The following CADM2 variants were observed in gnomAD, a reference collection of about 807,000 sequenced individuals.
CADM2 encodes immunoglobulin superfamily member 4D.
In CADM2, 12 loss-of-function variants were observed where a neutral mutation model predicts 49.8. The ratio of observed to expected loss-of-function variants is 0.24; its 90% CI spans 0.15 to 0.39. The LOEUF (loss-of-function observed/expected upper bound fraction) is 0.39. CADM2 is among the 10% of genes least tolerant of loss of function. CADM2 has a pLI of 1.00. For synonymous variants in CADM2, 214 were observed against 175.4 expected (o/e 1.22, Z -1.74); for missense variants, 378 against 492.3 (o/e 0.77, Z 2.20).
intron 1 of CADM2, among the ~76,000 whole-genome samples, chr3:85,500,268 T>A (rs1205498786): frequency 6.6e-6 from 1 of 152,028 alleles, no homozygotes; most frequent in Non-Finnish European, 1.5e-5. Flanking sequence ...GAATATATAT[T>A]TTTTCAGGAA....
At chr3:85,020,503 CT>C (rs1338795980) in intron 1 of CADM2, among the ~76,000 whole-genome samples, 8 of 152,042 alleles carry the variant, frequency 5.3e-5, no homozygotes, top group African/African-American at 1.9e-4. Context: ...AAACAATCTA[CT>C]TTTATTCATA....
Position 84,959,682 on chromosome 3 carries a change from C to T in CADM2, c.61+14C>T. On this transcript the variant is annotated intron_variant, in intron 1 of 9. Transcript: ENST00000383699. ...TCCTGCTACAAGGTAATCCCCGCCC[C>T]GGCGCAGGGAACATCAACTTCTCGC... 1.3e-6 allele frequency: 2 copies of T among 1,536,474 alleles called. No individual in the cohort carries two copies. Among genetic ancestry groups the T allele is most frequent in the African/African-American group, 1.4e-5 (1 of 73,140 alleles).
At chr3:85,529,966 C>G (rs1459220229) in intron 1 of CADM2, among the ~76,000 whole-genome samples, 2 of 151,980 alleles carry the variant, frequency 1.3e-5, no homozygotes, top group African/African-American at 4.8e-5. Flanking sequence ...TTTATCCCAC[C>G]TGGTAAATGC....
intron 1 of CADM2, among the ~76,000 whole-genome samples, chr3:85,081,492 G>T (rs112591755): frequency 2.6e-5 from 4 of 152,014 alleles, no homozygotes; most frequent in African/African-American, 9.7e-5. Context: ...ACTTTGGCCT[G>T]GTTATTTCAA....
intron 1 of CADM2, among the ~76,000 whole-genome samples, chr3:85,053,675 G>A (rs2035969828): frequency 6.6e-6 from 1 of 151,918 alleles, no homozygotes; most frequent in South Asian, 2.1e-4. Flanking sequence ...GTTCTTGGAG[G>A]GGATTAAGTA....
At chr3:85,237,309 G>A (rs937351175) in intron 1 of CADM2, among the ~76,000 whole-genome samples, 2 of 151,696 alleles carry the variant, frequency 1.3e-5, no homozygotes, top group Admixed American at 1.3e-4. Context: ...TGTGTCAGAG[G>A]CATGTATTCA....
At position 85,511,800 on chromosome 3, in the gene CADM2, A is replaced by G. The variant is rs142961351; in HGVS notation, c.62-214722A>G. 6 of 823,380 alleles carry G rather than the reference A, an allele frequency of 7.3e-6. No homozygotes were observed. In the East Asian group the frequency reaches 7.5e-4, roughly 103 times the overall value. 51.0% of individuals were successfully genotyped at this position (823,380 alleles called of 1,614,324 possible). On this transcript the variant is annotated intron_variant, in intron 1 of 9. Coordinates refer to ENST00000383699, the MANE Select transcript of CADM2 (RefSeq NM_001167675.2). ...CCATCTCTCATTTTGTCCACTGCAAACTTCGAAATAATATCCCTTTGAAAC... is the reference window on the plus strand; with the variant it reads ...CCATCTCTCATTTTGTCCACTGCAAGCTTCGAAATAATATCCCTTTGAAAC...
chr3:85,575,246 A>G (rs1327575966), intron 1 of CADM2, among the ~76,000 whole-genome samples: 3 of 152,196 alleles, frequency 2.0e-5, no homozygotes, highest in African/African-American at 2.4e-5. Flanking sequence ...GAACTTACCA[A>G]AAATATACTC....
chr3:85,076,210 A>C (rs2036935466), intron 1 of CADM2, among the ~76,000 whole-genome samples: 1 of 152,136 alleles, frequency 6.6e-6, no homozygotes, highest in Admixed American at 6.6e-5. Context: ...CAAGTTAAAT[A>C]ACTTGTTCAC....
At chr3:85,273,212 G>C (rs960964294) in intron 1 of CADM2, among the ~76,000 whole-genome samples, 1 of 151,370 alleles carries the variant, frequency 6.6e-6, no homozygotes, top group African/African-American at 2.4e-5. Flanking sequence ...GTGAACAAGA[G>C]ATAGATCAGT....
chr3:85,137,000 AAAT>A (rs1268477468), intron 1 of CADM2, among the ~76,000 whole-genome samples: 1 of 151,956 alleles, frequency 6.6e-6, no homozygotes, highest in African/African-American at 2.4e-5. Flanking sequence ...AATTACGTAA[AAAT>A]ATAAAGATAT....
intron 2 of CADM2, among the ~76,000 whole-genome samples, chr3:85,740,565 C>CT (rs1043228195): frequency 2.0e-5 from 3 of 151,828 alleles, no homozygotes; most frequent in Non-Finnish European, 2.9e-5. Flanking sequence ...TTTTTTGCTT[C>CT]TTTTTTTCTT....
At position 85,262,008 on chromosome 3, in the gene CADM2, T is replaced by G. The variant is rs182765853; in HGVS notation, c.61+302340T>G. Among the ~76,000 whole-genome samples, 5 of 152,218 alleles carry G rather than the reference T, an allele frequency of 3.3e-5. No homozygotes were observed. In the South Asian group the frequency reaches 6.2e-4, roughly 19 times the overall value. On this transcript the variant is annotated intron_variant, in intron 1 of 9. Coordinates refer to ENST00000383699, the MANE Select transcript of CADM2 (RefSeq NM_001167675.2). Reference sequence around the variant, plus strand: ...GACACTTCCACATCTTTAAAAAATATGACAGAAATTTCATTTATTTCACCT... The same window carrying G: ...GACACTTCCACATCTTTAAAAAATAGGACAGAAATTTCATTTATTTCACCT...
intron 1 of CADM2, among the ~76,000 whole-genome samples, chr3:85,603,546 CT>C (rs965096317): frequency 5.3e-5 from 8 of 151,324 alleles, no homozygotes; most frequent in South Asian, 4.2e-4. Context: ...ACTAAACATT[CT>C]TTTTTTTCCC....
At chr3:85,109,057 T>C (rs909594178) in intron 1 of CADM2, among the ~76,000 whole-genome samples, 1 of 152,096 alleles carries the variant, frequency 6.6e-6, no homozygotes, top group Non-Finnish European at 1.5e-5. Flanking sequence ...TTATTACTTA[T>C]TAATTTTTCC....
At chr3:84,968,716 A>G (rs2031194888) in intron 1 of CADM2, among the ~76,000 whole-genome samples, 1 of 152,026 alleles carries the variant, frequency 6.6e-6, no homozygotes. Context: ...TGTTCCTTTC[A>G]CTTTCCCAAA....
At chr3:85,214,603 A>G (rs191948017) in intron 1 of CADM2, among the ~76,000 whole-genome samples, 169 of 151,738 alleles carry the variant, frequency 1.1e-3, no homozygotes, top group Non-Finnish European at 7.1e-4. Flanking sequence ...GGAGTAGGGT[A>G]CCTTAGGAAT....
At chr3:85,202,315 A>T (rs2041524853) in intron 1 of CADM2, among the ~76,000 whole-genome samples, 1 of 152,158 alleles carries the variant, frequency 6.6e-6, no homozygotes, top group African/African-American at 2.4e-5. Context: ...GATTTATCAA[A>T]GGAATAGCTA....
At chr3:85,744,062 C>T (rs1285345615) in intron 2 of CADM2, among the ~76,000 whole-genome samples, 1 of 152,052 alleles carries the variant, frequency 6.6e-6, no homozygotes, top group Admixed American at 6.6e-5. Context: ...GATGAGTAGA[C>T]ATTCTAGTCA....
Sources: allele counts gnomAD v4.1 joint callset (sites outside exome capture counted in the v4.1 genomes callset), GRCh38; gene constraint gnomAD v4.1.1; transcripts MANE v1.5; gene names NCBI Gene and HGNC (gene_info 2026-07-23, HGNC 2026-07-21).